Variants in HSD17B11 observed in about 807,000 individuals in gnomAD.
HSD17B11 encodes the protein estradiol 17-beta-dehydrogenase 11.
In HSD17B11, 22 loss-of-function variants were observed where a neutral mutation model predicts 27.8. The observed-to-expected ratio is 0.79, with a 90% CI of 0.56 to 1.13. The LOEUF (loss-of-function observed/expected upper bound fraction) is 1.13, where lower values mean the gene tolerates loss of function less well. HSD17B11 is among the 50% of genes most tolerant of loss of function. HSD17B11 has a pLI of 0.00. For missense variants in HSD17B11, 314 were observed against 351.1 expected, an observed-to-expected ratio of 0.89 and a Z score of 0.84; for synonymous variants, 117 against 132.8, an observed-to-expected ratio of 0.88 and a Z score of 0.82.
rs1560769722 is a variant in HSD17B11, at chr4:87,378,958, ATATTTTTT to A, written c.318+3289_318+3296del. ...TATATATATATATATTTATATATAT[ATATTTTTT>A]TTTTTTTTTGAGATGGTGTCTTGCT... is the stretch of plus-strand genomic sequence containing the variant. On this transcript the variant is annotated intron_variant, in intron 2 of 6. Transcript: ENST00000358290. Among the ~76,000 whole-genome samples the A allele has an allele frequency of 4.5e-3, 121 of 27,110 alleles. 11 individuals carry two copies. Among genetic ancestry groups the A allele is most frequent in the Middle Eastern group, 0.036 (3 of 84 alleles). The allele number at this position is 27,110 out of a possible 152,430, so 17.8% of individuals were successfully genotyped here. A position where few individuals can be genotyped will look rare whatever the true frequency, so the allele number is the denominator to read the frequency against.
At chr4:87,389,476 G>A (rs527800704) in intron 1 of HSD17B11, among the ~76,000 whole-genome samples, 53 of 152,186 alleles carry the variant, frequency 3.5e-4, no homozygotes, top group African/African-American at 1.0e-3. Flanking sequence ...TGCCCGCCTC[G>A]GCCTCCAAAA....
chr4:87,374,700 C>G lies in HSD17B11; in HGVS notation c.449G>C (p.Trp150Ser). 1 of 1,594,596 alleles carries G rather than the reference C, an allele frequency of 6.3e-7. No individual in the cohort carries two copies. Among genetic ancestry groups the G allele is most frequent in the Non-Finnish European group, 8.5e-7 (1 of 1,175,524 alleles). The change falls in exon 3 of 7, where the codon TGG becomes TCG. Residue 150 changes from tryptophan (W) to serine (S), a missense_variant and splice_region_variant. Coordinates refer to ENST00000358290, the MANE Select transcript of HSD17B11 (RefSeq NM_016245.5). ...TTTTGTAAAAGAAGCCATACTCACCCAGAAATGTGCAAGTACATTAACTTC... is the reference window on the plus strand; with the variant it reads ...TTTTGTAAAAGAAGCCATACTCACCGAGAAATGTGCAAGTACATTAACTTC... ...TFEVNVLAHF[W>S]TTKAFLPAMT...
chr4:87,336,870 G>T lies in HSD17B11; in HGVS notation c.*406C>A, dbSNP rs1014458134. 3 of 175,986 alleles carry T rather than the reference G, an allele frequency of 1.7e-5. No individual in the cohort carries two copies. The highest frequency in any genetic ancestry group is 7.2e-5 in the African/African-American group (3 of 41,554). The allele number at this position is 175,986 out of a possible 1,614,324, so 10.9% of individuals were successfully genotyped here. A position where few individuals can be genotyped will look rare whatever the true frequency, so the allele number is the denominator to read the frequency against. ...GTCCTTCATTTTATTTAGAGAGCTT[G>T]AAGTTTCTGATTTTATGTAGAACAG... On this transcript the variant is annotated 3_prime_UTR_variant, in exon 7 of 7. Coordinates refer to ENST00000358290, the MANE Select transcript of HSD17B11 (RefSeq NM_016245.5).
In HSD17B11 at chr4:87,337,307, G is replaced by A; in HGVS notation, c.872C>T (p.Ala291Val). The change falls in exon 7 of 7, where the codon GCA becomes GTA. Residue 291 changes from alanine to valine, a missense_variant. Ala to Val is a moderately conservative substitution (Grantham distance 64). Transcript: ENST00000358290. The part of the protein sequence containing the change: ...LKRKISVKFD[A>V]VIGYKMKAQ ...CGCTTTCATTTTATATCCAATAACT[G>A]CATCAAACTTAACACTGATTTTTCG... 1.2e-6 allele frequency: 2 copies of A among 1,606,180 alleles called. No individual in the cohort carries two copies. The highest frequency in any genetic ancestry group is 1.7e-6 in the Non-Finnish European group (2 of 1,174,166).
intron 2 of HSD17B11, among the ~76,000 whole-genome samples, chr4:87,379,655 G>GTCTAT (rs1457552628): frequency 4.9e-5 from 7 of 143,630 alleles, no homozygotes; most frequent in African/African-American, 1.5e-4. Flanking sequence ...GTATATGTAT[G>GTCTAT]TATATTATAT....
At chr4:87,344,388 C>T (rs917407886) in intron 5 of HSD17B11, among the ~76,000 whole-genome samples, 17 of 152,056 alleles carry the variant, frequency 1.1e-4, no homozygotes, top group Admixed American at 8.5e-4. Flanking sequence ...TCAGGTTATG[C>T]GGCATTGTTT....
Position 87,391,088 on chromosome 4 carries a change from GC to G in HSD17B11, c.-19del, listed in dbSNP as rs1720448207. 5.1e-6 allele frequency: 8 copies of G among 1,566,554 alleles called. No individual in the cohort carries two copies. Among genetic ancestry groups the G allele is most frequent in the Non-Finnish European group, 6.9e-6 (8 of 1,160,234 alleles). On this transcript the variant is annotated 5_prime_UTR_variant, in exon 1 of 7. Transcript: ENST00000358290. ...AATTTCATCCCTTTTGTGGCTGCGA[GC>G]GTTTGGTGTGTTTTTTTTTTTTTTT... is the stretch of plus-strand genomic sequence containing the variant.
chr4:87,385,760 A>G (rs1578048875), intron 1 of HSD17B11: 1 of 151,928 alleles, frequency 6.6e-6, no homozygotes, highest in Non-Finnish European at 1.5e-5. Flanking sequence ...CTAAAAATAT[A>G]AAAAATTAGC....
intron 2 of HSD17B11, among the ~76,000 whole-genome samples, chr4:87,376,734 T>A (rs1181350090): frequency 6.6e-6 from 1 of 152,072 alleles, no homozygotes; most frequent in Non-Finnish European, 1.5e-5. Context: ...ATTTCAAAGG[T>A]TGTTGCAGCT....
chr4:87,374,652 T>A, intron 3 of HSD17B11, 47 bp downstream of exon 3: 1 of 1,562,056 alleles, frequency 6.4e-7, no homozygotes, highest in African/African-American at 1.4e-5. Flanking sequence ...CACTTTAATC[T>A]TTGGGATTTT....
intron 1 of HSD17B11, among the ~76,000 whole-genome samples, chr4:87,383,735 C>A (rs1042552393): frequency 7.2e-6 from 1 of 138,794 alleles, no homozygotes; most frequent in Non-Finnish European, 1.5e-5. Flanking sequence ...TTGCTTTTGG[C>A]CAATTTTTGC....
At chr4:87,380,714 CA>C (rs1430292813) in intron 2 of HSD17B11, among the ~76,000 whole-genome samples, 1 of 150,986 alleles carries the variant, frequency 6.6e-6, no homozygotes, top group Non-Finnish European at 1.5e-5. Flanking sequence ...AAAAATTAGC[CA>C]AGCGTGGTGA....
At chr4:87,361,897 G>A (rs80039509) in intron 4 of HSD17B11, among the ~76,000 whole-genome samples, 20,605 of 152,162 alleles carry the variant, frequency 0.14, 1,466 homozygotes, top group Middle Eastern at 0.17. Context: ...TGGCAACCAC[G>A]AAGGGACTAA....
intron 1 of HSD17B11, among the ~76,000 whole-genome samples, chr4:87,383,636 G>A (rs1235460851): frequency 6.6e-6 from 1 of 152,050 alleles, no homozygotes; most frequent in African/African-American, 2.4e-5. Context: ...AAGGGGTTAT[G>A]AGTCCAATTT....
At chr4:87,382,676 G>A (rs1366161946) in intron 1 of HSD17B11, among the ~76,000 whole-genome samples, 2 of 152,006 alleles carry the variant, frequency 1.3e-5, no homozygotes, top group African/African-American at 4.8e-5. Context: ...TTCCATATCA[G>A]GCTTTAAAAA....
chr4:87,378,884 A>T (rs1377088812), intron 2 of HSD17B11, among the ~76,000 whole-genome samples: 1 of 11,784 alleles, frequency 8.5e-5, no homozygotes, highest in Non-Finnish European at 1.3e-4. Flanking sequence ...ATATATAAAT[A>T]TATATATATA....
chr4:87,388,731 A>G (rs1205498729), intron 1 of HSD17B11, among the ~76,000 whole-genome samples: 2 of 152,310 alleles, frequency 1.3e-5, no homozygotes, highest in African/African-American at 2.4e-5. Flanking sequence ...TGTCTTCCTC[A>G]GTGCTATATC....
At chr4:87,389,188 T>C (rs1720391292) in intron 1 of HSD17B11, among the ~76,000 whole-genome samples, 1 of 152,164 alleles carries the variant, frequency 6.6e-6, no homozygotes, top group South Asian at 2.1e-4. Flanking sequence ...TTCATTGCTC[T>C]TGTAATTACT....
At chr4:87,368,725 G>A (rs975314029) in intron 4 of HSD17B11, among the ~76,000 whole-genome samples, 2 of 152,172 alleles carry the variant, frequency 1.3e-5, no homozygotes, top group Non-Finnish European at 2.9e-5. Flanking sequence ...TACAGTAAAG[G>A]AGATGGCCAA....
Sources: gnomAD v4.1 joint callset for allele counts (sites outside exome capture counted in the v4.1 genomes callset) on GRCh38, gnomAD v4.1.1 for gene constraint, MANE v1.5 for transcripts, NCBI Gene and HGNC (gene_info 2026-07-23, HGNC 2026-07-21) for gene names.